Variants in CEACAM5 observed in about 807,000 individuals in gnomAD.
CEACAM5 encodes cell adhesion molecule CEACAM5.
In CEACAM5, 52 loss-of-function variants were observed where a neutral mutation model predicts 63.0. The observed-to-expected ratio is 0.83, with a 90% CI of 0.66 to 1.04. The LOEUF is 1.04. Among genes scored for constraint, CEACAM5 ranks in the 50% least tolerant of loss-of-function variants. The pLI, the probability that CEACAM5 is intolerant of heterozygous loss-of-function variation, is 0.00. For synonymous variants in CEACAM5, 357 were observed against 351.3 expected, an observed-to-expected ratio of 1.02 and a Z score of -0.18; for missense variants, 790 against 864.8, an observed-to-expected ratio of 0.91 and a Z score of 1.08.
chr19:41,715,986 T>G, intron 4 of CEACAM5, 82 bp downstream of exon 4: 1 of 1,524,494 alleles, frequency 6.6e-7, no homozygotes, highest in Non-Finnish European at 9.0e-7. Context: ...GAAGACATTT[T>G]CTATCCCAGC....
intron 2 of CEACAM5, among the ~76,000 whole-genome samples, chr19:41,713,117 C>A (rs1047071098): frequency 6.6e-6 from 1 of 152,080 alleles, no homozygotes; most frequent in Non-Finnish European, 1.5e-5. Flanking sequence ...CCATCCTGGC[C>A]AACATGGTGA....
intron 9 of CEACAM5, among the ~76,000 whole-genome samples, chr19:41,728,379 C>T (rs572356988): frequency 5.9e-5 from 9 of 152,232 alleles, no homozygotes; most frequent in Admixed American, 1.3e-4. Context: ...CCCAGGCATT[C>T]GTAATTTTTA....
chr19:41,715,625 T>A, intron 3 of CEACAM5, 25 bp from the exon 4 acceptor site: 1 of 1,613,536 alleles, frequency 6.2e-7, no homozygotes, highest in Non-Finnish European at 8.5e-7. Context: ...CAATATCACC[T>A]GTGGCTTTAT....
At chr19:41,721,973 GAGGGA>G (rs2122825733) in intron 8 of CEACAM5, among the ~76,000 whole-genome samples, 2 of 152,342 alleles carry the variant, frequency 1.3e-5, no homozygotes, top group East Asian at 3.9e-4. Context: ...CTCTGCATGG[GAGGGA>G]ACAGGCAGTG....
At chr19:41,721,348 G>T (rs114521807) in intron 8 of CEACAM5, among the ~76,000 whole-genome samples, 172 bp downstream of exon 8, 1 of 152,136 alleles carries the variant, frequency 6.6e-6, no homozygotes, top group Admixed American at 6.5e-5. Context: ...TCTCCTCCCC[G>T]GCTTCTCTGA....
At chr19:41,715,535 G>A (rs1016858540) in intron 3 of CEACAM5, 115 bp from the exon 4 acceptor site, 3 of 1,392,594 alleles carry the variant, frequency 2.2e-6, no homozygotes, top group African/African-American at 1.4e-5. Context: ...GAGGGGTTTG[G>A]CTGAGACTTT....
chr19:41,719,805 A>G (rs1041854733), intron 6 of CEACAM5, 125 bp from the exon 7 acceptor site: 46 of 1,523,518 alleles, frequency 3.0e-5, no homozygotes, highest in Non-Finnish European at 3.4e-5. Context: ...TGATACACAC[A>G]CCTGCCATGG....
At chr19:41,728,579 G>A (rs1555817418) in intron 9 of CEACAM5, among the ~76,000 whole-genome samples, 1 of 152,112 alleles carries the variant, frequency 6.6e-6, no homozygotes, top group Non-Finnish European at 1.5e-5. Flanking sequence ...CGGATCAGGA[G>A]TTCAAGACCA....
chr19:41,721,601 A>G (rs2072623206), intron 8 of CEACAM5, among the ~76,000 whole-genome samples: 1 of 152,226 alleles, frequency 6.6e-6, no homozygotes. Flanking sequence ...TCCCCAAATG[A>G]GAGGAGGAAG....
At chr19:41,723,033 G>A (rs1032185832) in intron 8 of CEACAM5, among the ~76,000 whole-genome samples, 15 of 151,846 alleles carry the variant, frequency 9.9e-5, no homozygotes, top group Admixed American at 6.6e-4. Context: ...TCAGCCTCCC[G>A]AGTAGCTGGG....
intron 8 of CEACAM5, among the ~76,000 whole-genome samples, chr19:41,725,988 C>A (rs2072694970): frequency 6.6e-6 from 1 of 152,080 alleles, no homozygotes. Context: ...CTTCTCTGAG[C>A]CTTCAATTCT....
In CEACAM5 at chr19:41,721,032, C is replaced by A; in HGVS notation, c.1882C>A (p.Arg628Ser). 1 of 1,614,178 alleles carries A rather than the reference C, an allele frequency of 6.2e-7. No homozygotes were observed. Among genetic ancestry groups the A allele is most frequent in the Non-Finnish European group, 8.5e-7 (1 of 1,180,032 alleles). ...TAACCCATCCCCGCAGTATTCTTGG[C>A]GTATCAATGGGATACCGCAGCAACA... ...ASNPSPQYSW[R>S]INGIPQQHTQ... The change falls in exon 8 of 10, where the codon CGT (arginine) becomes AGT (serine). Residue 628 changes from arginine to serine, a missense_variant. By Grantham distance (110) the Arg-to-Ser change is moderately radical. Transcript: ENST00000221992.
At chr19:41,724,785 A>G (rs2072674524) in intron 8 of CEACAM5, among the ~76,000 whole-genome samples, 1 of 152,216 alleles carries the variant, frequency 6.6e-6, no homozygotes, top group Non-Finnish European at 1.5e-5. Context: ...GTTAGTGTGT[A>G]GAAGTACAAC....
At chr19:41,725,537 T>C (rs1386446235) in intron 8 of CEACAM5, among the ~76,000 whole-genome samples, 1 of 151,912 alleles carries the variant, frequency 6.6e-6, no homozygotes, top group Non-Finnish European at 1.5e-5. Flanking sequence ...GCCTGGATAG[T>C]TTTTTAAAGA....
chr19:41,709,793 C>T lies in CEACAM5; in HGVS notation c.178C>T (p.Gln60Ter). 6.2e-7 allele frequency: 1 copy of T among 1,614,132 alleles called. No individual in the cohort carries two copies. Among genetic ancestry groups the T allele is most frequent in the Non-Finnish European group, 8.5e-7 (1 of 1,180,030 alleles). Residue 60 changes from glutamine (Q) to a stop codon, truncating the protein, a stop_gained, in exon 2 of 10, where the codon CAG becomes TAG. Coordinates refer to ENST00000221992, the MANE Select transcript of CEACAM5 (RefSeq NM_004363.6). LOFTEE classifies it high-confidence loss of function. Reference protein sequence around the residue: ...EVLLLVHNLPQHLFGYSWYKG... With the variant: ...EVLLLVHNLP ...GCTTCTACTTGTCCACAATCTGCCC[C>T]AGCATCTTTTTGGCTACAGCTGGTA...
At chr19:41,712,290 C>T (rs1197266009) in intron 2 of CEACAM5, among the ~76,000 whole-genome samples, 1 of 152,346 alleles carries the variant, frequency 6.6e-6, no homozygotes, top group Non-Finnish European at 1.5e-5. Context: ...TCCACATACA[C>T]CTGTGTCCTC....
rs2072742199 is a variant in CEACAM5, at chr19:41,729,343, G to A, written c.*196G>A. ...CTACTAAAAATACAAAAATGAGCTG[G>A]GCTTGGTGGCGCACACCTGTAGTCC... On this transcript the variant is annotated 3_prime_UTR_variant, in exon 10 of 10. Transcript: ENST00000221992. 1 of 152,076 alleles carries A rather than the reference G, an allele frequency of 6.6e-6. No individual in the cohort carries two copies. Among genetic ancestry groups the A allele is most frequent in the Admixed American group, 6.5e-5 (1 of 15,270 alleles). The allele number at this position is 152,076 out of a possible 1,614,324, so 9.4% of individuals were successfully genotyped here.
At chr19:41,716,010 G>A in intron 4 of CEACAM5, 106 bp downstream of exon 4, 1 of 1,316,718 alleles carries the variant, frequency 7.6e-7, no homozygotes, top group Non-Finnish European at 1.1e-6. Context: ...TGTCCAGTGG[G>A]CACAAGCAAA....
intron 8 of CEACAM5, among the ~76,000 whole-genome samples, chr19:41,725,876 T>G (rs1555817062): frequency 6.6e-6 from 1 of 152,204 alleles, no homozygotes; most frequent in African/African-American, 2.4e-5. Context: ...TTTGAGGTGG[T>G]TCTTTTTCTG....
Sources: gnomAD v4.1 joint callset for allele counts (sites outside exome capture counted in the v4.1 genomes callset) on GRCh38, gnomAD v4.1.1 for gene constraint, MANE v1.5 for transcripts, NCBI Gene and HGNC (gene_info 2026-07-23, HGNC 2026-07-21) for gene names.